Variants in FBXO41 observed in about 807,000 individuals in gnomAD.
FBXO41 encodes the protein F-box protein 41, also known as F-box only protein 41.
FBXO41 carries 33 observed loss-of-function variants against 81.6 expected under a neutral mutation model. The ratio of observed to expected loss-of-function variants is 0.40; its 90% CI spans 0.31 to 0.54. The LOEUF (loss-of-function observed/expected upper bound fraction) is 0.54. FBXO41 is among the 20% of genes least tolerant of loss of function. FBXO41 has a pLI of 0.39. For missense variants in FBXO41, 1,107 were observed against 1,236.0 expected, an observed-to-expected ratio of 0.90 and a Z score of 1.56; for synonymous variants, 576 against 552.7, an observed-to-expected ratio of 1.04 and a Z score of -0.59.
Position 73,266,008 on chromosome 2 carries a change from G to A in FBXO41, c.1132-42C>T. On this transcript the variant is annotated intron_variant, in intron 3 of 12. Coordinates refer to ENST00000520530, the MANE Select transcript of FBXO41 (RefSeq NM_001371389.2). This position sits in a 1 kb window ranked among gnomAD's most constrained non-coding sequence, Gnocchi z 5.3. ...CAGGAGGTAAAGGAGAGGGGCGGAG[G>A]AGGCAAGAGGATGAGCAGGAATAGC... 6.5e-7 allele frequency: 1 copy of A among 1,528,566 alleles called. No individual in the cohort carries two copies. The highest frequency in any genetic ancestry group is 8.9e-7 in the Non-Finnish European group (1 of 1,125,848). The allele number at this position is 1,528,566 out of a possible 1,614,324, so 94.7% of individuals were successfully genotyped here.
chr2:73,274,085 G>A (rs991931879), intron 1 of FBXO41, among the ~76,000 whole-genome samples: 1 of 152,116 alleles, frequency 6.6e-6, no homozygotes, highest in Non-Finnish European at 1.5e-5. Flanking sequence ...CTTCAGTCCC[G>A]CAGCTCCATT....
chr2:73,278,299 C>G (rs548090643), intron 1 of FBXO41, among the ~76,000 whole-genome samples: 1 of 152,192 alleles, frequency 6.6e-6, no homozygotes, highest in East Asian at 1.9e-4. Context: ...CATTCATTTC[C>G]CTTCTTTCCA....
At chr2:73,265,229 G>T in intron 5 of FBXO41, 53 bp downstream of exon 5, 1 of 1,491,864 alleles carries the variant, frequency 6.7e-7, no homozygotes. Context: ...CAGGAGCCCA[G>T]GAGATTCACT....
chr2:73,274,775 A>G (rs1688639801), intron 1 of FBXO41, among the ~76,000 whole-genome samples: 1 of 152,120 alleles, frequency 6.6e-6, no homozygotes, highest in South Asian at 2.1e-4. Flanking sequence ...TATGTTGCCC[A>G]GGCCGGTCAG....
At chr2:73,276,916 G>A (rs182495216) in intron 1 of FBXO41, among the ~76,000 whole-genome samples, 8 of 152,334 alleles carry the variant, frequency 5.3e-5, no homozygotes, top group South Asian at 4.1e-4. Flanking sequence ...ATTCTATAAT[G>A]TATGGTGAGC....
At position 73,266,747 on chromosome 2, in the gene FBXO41, G is replaced by A; in HGVS notation, c.906-65C>T. The A allele has an allele frequency of 6.8e-6, 10 of 1,473,210 alleles. No homozygotes were observed. Among genetic ancestry groups the A allele is most frequent in the Non-Finnish European group, 9.0e-6 (10 of 1,116,220 alleles). 91.3% of individuals were successfully genotyped at this position (1,473,210 alleles called of 1,614,324 possible). On this transcript the variant is annotated intron_variant, in intron 2 of 12. Transcript: ENST00000520530. The surrounding 1 kb of genome is among the most constrained non-coding windows in gnomAD (Gnocchi z 5.3). ...GCCTGCCCACCCACCCTCTGGAGGA[G>A]AGCCTGGCCAGTGCGGGGAGACACT... is the stretch of plus-strand genomic sequence containing the variant.
At chr2:73,262,992 G>A (rs752122481) in intron 9 of FBXO41, among the ~76,000 whole-genome samples, 9 of 152,294 alleles carry the variant, frequency 5.9e-5, no homozygotes, top group Non-Finnish European at 1.2e-4. Flanking sequence ...TGATCCGCCC[G>A]ACTCAGCCTC....
intron 1 of FBXO41, among the ~76,000 whole-genome samples, chr2:73,280,942 C>A (rs141983125): frequency 3.3e-5 from 5 of 152,334 alleles, no homozygotes; most frequent in African/African-American, 1.2e-4. Context: ...CACTTGTTAT[C>A]ATGGAACTGG....
intron 4 of FBXO41, 87 bp from the exon 5 acceptor site, chr2:73,265,727 C>T: frequency 2.1e-6 from 3 of 1,436,096 alleles, no homozygotes; most frequent in Non-Finnish European, 2.8e-6. Flanking sequence ...CAGCTGAGGG[C>T]AACCCACCCG....
intron 6 of FBXO41, 48 bp downstream of exon 6, chr2:73,264,230 G>A: frequency 1.2e-6 from 2 of 1,610,488 alleles, no homozygotes; most frequent in African/African-American, 1.3e-5. Flanking sequence ...TACCCAGGGG[G>A]AAAGGTGGGT....
At chr2:73,277,297 C>G (rs1688725305) in intron 1 of FBXO41, among the ~76,000 whole-genome samples, 1 of 152,154 alleles carries the variant, frequency 6.6e-6, no homozygotes, top group Non-Finnish European at 1.5e-5. Context: ...TTATGCACCT[C>G]CTAAGCGTGA....
Position 73,260,311 on chromosome 2 carries a change from T to TGATA in FBXO41, c.2449+74_2449+77dup. 1 of 1,517,534 alleles carries TGATA rather than the reference T, an allele frequency of 6.6e-7. No homozygotes were observed. The highest frequency in any genetic ancestry group is 1.4e-5 in the African/African-American group (1 of 72,856). 94.0% of individuals were successfully genotyped at this position (1,517,534 alleles called of 1,614,324 possible). The stretch of plus-strand genomic sequence containing the variant: ...GGAGACTCTGATCCATCTGCCCCAG[T>TGATA]GATAGTTAGGATACCTGCTGACAGG... On this transcript the variant is annotated intron_variant, in intron 11 of 12. Transcript: ENST00000520530. The surrounding 1 kb of genome is among the most constrained non-coding windows in gnomAD (Gnocchi z 5.0).
chr2:73,275,471 C>A (rs546911401), intron 1 of FBXO41, among the ~76,000 whole-genome samples: 1 of 152,310 alleles, frequency 6.6e-6, no homozygotes, highest in East Asian at 1.9e-4. Context: ...GTGTGAGCCA[C>A]CACGCCTGGC....
intron 1 of FBXO41, among the ~76,000 whole-genome samples, chr2:73,276,334 C>G (rs183454134): frequency 6.6e-6 from 1 of 151,534 alleles, no homozygotes; most frequent in Non-Finnish European, 1.5e-5. Flanking sequence ...CACTTAAACC[C>G]GGGAGGTGGA....
intron 1 of FBXO41, among the ~76,000 whole-genome samples, chr2:73,281,892 C>T (rs1688856265): frequency 2.0e-5 from 3 of 152,260 alleles, no homozygotes; most frequent in Non-Finnish European, 4.4e-5. Context: ...TACCTGACTA[C>T]CAAAGCTCAT....
chr2:73,263,183 C>T, intron 9 of FBXO41, 30 bp downstream of exon 9: 4 of 1,541,746 alleles, frequency 2.6e-6, no homozygotes, highest in East Asian at 2.4e-5. Flanking sequence ...CGTGTCCCCC[C>T]TCCTATCCCC....
At position 73,269,563 on chromosome 2, in the gene FBXO41, G is replaced by A. The variant is rs1232150116; in HGVS notation, c.68C>T (p.Ser23Leu). The A allele has an allele frequency of 1.5e-6, 2 of 1,356,482 alleles. No homozygotes were observed. Among genetic ancestry groups the A allele is most frequent in the Non-Finnish European group, 1.9e-6 (2 of 1,043,640 alleles). The allele number at this position is 1,356,482 out of a possible 1,614,324, so 84.0% of individuals were successfully genotyped here. A position where few individuals can be genotyped will look rare whatever the true frequency, so the allele number is the denominator to read the frequency against. The change falls in exon 2 of 13, where the codon TCG (serine) becomes TTG (leucine). Residue 23 changes from serine (S) to leucine (L), a missense_variant. Around this residue, in one of 2 missense-constraint regions of FBXO41, gnomAD observed 771 missense variants for 789.2 expected, o/e 0.98. Coordinates refer to ENST00000520530, the MANE Select transcript of FBXO41 (RefSeq NM_001371389.2). The surrounding 1 kb of genome is among the most constrained non-coding windows in gnomAD (Gnocchi z 7.0). ...CGEHKRFRSL[S>L]SLRAHLEYSH... is the part of the protein sequence containing the mutation. ...GTACTCCAGGTGCGCGCGCAGCGAC[G>A]ACAGGCTCCGGAAGCGCTTGTGCTC...
intron 7 of FBXO41, 49 bp downstream of exon 7, chr2:73,263,889 C>T: frequency 1.2e-6 from 2 of 1,613,930 alleles, no homozygotes; most frequent in Non-Finnish European, 1.7e-6. Flanking sequence ...AACTTAATTC[C>T]AGGTCTGTGG....
At position 73,269,963 on chromosome 2, in the gene FBXO41, A is replaced by G. The variant is rs996504396; in HGVS notation, c.-138-195T>C. Among the ~76,000 whole-genome samples, 2 of 152,092 alleles carry G rather than the reference A, an allele frequency of 1.3e-5. No individual in the cohort carries two copies. Among genetic ancestry groups the G allele is most frequent in the African/African-American group, 4.8e-5 (2 of 41,420 alleles). Reference sequence around the variant, plus strand: ...GCAAGAGACAGCGAGAGAATGAGATAATCTGTTTTTAAAGGGGCAGGCGCG... The same window carrying G: ...GCAAGAGACAGCGAGAGAATGAGATGATCTGTTTTTAAAGGGGCAGGCGCG... On this transcript the variant is annotated intron_variant, in intron 1 of 12. Transcript: ENST00000520530. This position sits in a 1 kb window ranked among gnomAD's most constrained non-coding sequence, Gnocchi z 7.0.
Sources: gnomAD v4.1 joint callset for allele counts (sites outside exome capture counted in the v4.1 genomes callset) on GRCh38, gnomAD v4.1.1 for gene constraint, gnomAD v4.1.1 regional missense constraint, Gnocchi (gnomAD v3.1) non-coding constraint, MANE v1.5 for transcripts, NCBI Gene and HGNC (gene_info 2026-07-23, HGNC 2026-07-21) for gene names.